PLEKHA5: variants seen among roughly 807,000 people sequenced by gnomAD.
PLEKHA5 encodes the protein pleckstrin homology domain-containing family A member 5.
Under a neutral mutation model 181.9 loss-of-function variants are expected in PLEKHA5, and 55 were observed. The observed-to-expected ratio is 0.30, with a 90% confidence interval of 0.24 to 0.38. The LOEUF (loss-of-function observed/expected upper bound fraction) is 0.38. Ranked by LOEUF, PLEKHA5 falls within the 10% of genes least tolerant of loss-of-function variation. The pLI is 1.00. For synonymous variants in PLEKHA5, 535 were observed against 529.4 expected, an observed-to-expected ratio of 1.01 and a Z score of -0.15; for missense variants, 1,432 against 1,549.5, an observed-to-expected ratio of 0.92 and a Z score of 1.27.
chr12:19,281,002 C>T (rs768970377), intron 11 of PLEKHA5, among the ~76,000 whole-genome samples: 7 of 152,110 alleles, frequency 4.6e-5, no homozygotes, highest in Admixed American at 1.3e-4. Flanking sequence ...CAAGCCACCA[C>T]GCCCAGCCTA....
chr12:19,286,051 A>C (rs2077146271), intron 12 of PLEKHA5, among the ~76,000 whole-genome samples: 1 of 152,268 alleles, frequency 6.6e-6, no homozygotes, highest in African/African-American at 2.4e-5. Flanking sequence ...TTTGTTACTG[A>C]TAACAACGTT....
intron 20 of PLEKHA5, 142 bp from the exon 21 acceptor site, chr12:19,336,373 G>T: frequency 1.9e-6 from 1 of 514,522 alleles, no homozygotes; most frequent in South Asian, 2.7e-5. Flanking sequence ...GTTTTAAAAA[G>T]GGACAAAAAT....
chr12:19,217,344 T>C (rs2058153621), intron 3 of PLEKHA5, among the ~76,000 whole-genome samples: 1 of 152,184 alleles, frequency 6.6e-6, no homozygotes, highest in African/African-American at 2.4e-5. Context: ...AGCAGTAGGT[T>C]ACCCAGAATT....
At chr12:19,337,542 C>G (rs1321442516) in intron 21 of PLEKHA5, among the ~76,000 whole-genome samples, 1 of 118,780 alleles carries the variant, frequency 8.4e-6, no homozygotes, top group South Asian at 2.8e-4. Context: ...GAGCGAGACT[C>G]TATCTCAAAA....
intron 15 of PLEKHA5, among the ~76,000 whole-genome samples, chr12:19,297,750 A>AT (rs1200741176): frequency 7.1e-5 from 8 of 112,574 alleles, no homozygotes; most frequent in South Asian, 7.1e-4. Flanking sequence ...CCAGTAAATT[A>AT]TTATTTTTTT....
intron 11 of PLEKHA5, among the ~76,000 whole-genome samples, chr12:19,277,164 A>G (rs551024907): frequency 6.6e-6 from 1 of 152,282 alleles, no homozygotes; most frequent in East Asian, 1.9e-4. Context: ...GGGGGAAAAA[A>G]ATGAAAGGAT....
At chr12:19,252,633 A>AT (rs1463864903) in intron 3 of PLEKHA5, among the ~76,000 whole-genome samples, 4 of 151,856 alleles carry the variant, frequency 2.6e-5, no homozygotes, top group Non-Finnish European at 5.9e-5. Flanking sequence ...ATTCAAAGCA[A>AT]TTTTTTTCAG....
At chr12:19,141,167 C>G (rs753972478) in intron 3 of PLEKHA5, among the ~76,000 whole-genome samples, 12 of 151,640 alleles carry the variant, frequency 7.9e-5, no homozygotes, top group Non-Finnish European at 1.5e-4. Context: ...TGCTTTCCAC[C>G]CCTCCCCCCC....
rs34375689 is a variant in PLEKHA5, at chr12:19,162,573, T to TAA, written c.227+30136_227+30137dup. 1.7e-3 allele frequency among the ~76,000 whole-genome samples: 242 copies of TAA among 146,490 alleles called. 1 individual carries two copies. The East Asian group carries it at 0.025, about 15-fold the overall frequency. ...AATGAAATCAGAAGTAAGTTAGCTTTAAAAAAAAAAAAAAGAGTTGGGGGC... is the reference window on the plus strand; with the variant it reads ...AATGAAATCAGAAGTAAGTTAGCTTTAAAAAAAAAAAAAAAAGAGTTGGGGGC... On this transcript the variant is annotated intron_variant, in intron 3 of 31. Coordinates refer to ENST00000429027, the MANE Select transcript of PLEKHA5 (RefSeq NM_001256470.2).
intron 3 of PLEKHA5, among the ~76,000 whole-genome samples, chr12:19,229,273 G>A (rs755497484): frequency 9.2e-5 from 14 of 152,276 alleles, no homozygotes; most frequent in Non-Finnish European, 1.0e-4. Context: ...TATTGTGTCC[G>A]GAATTGGTGG....
chr12:19,253,890 G>A (rs749865668), intron 3 of PLEKHA5, 50 bp from the exon 4 acceptor site: 1 of 1,026,478 alleles, frequency 9.7e-7, no homozygotes, highest in Non-Finnish European at 1.5e-6. Context: ...ATAAATAAAT[G>A]GGAATTTTAA....
At chr12:19,189,726 A>C (rs1353230494) in intron 3 of PLEKHA5, among the ~76,000 whole-genome samples, 1 of 152,212 alleles carries the variant, frequency 6.6e-6, no homozygotes, top group Non-Finnish European at 1.5e-5. Context: ...TATTCAGACC[A>C]TTAAACAGAC....
intron 15 of PLEKHA5, chr12:19,306,311 G>T (rs2083515442): frequency 5.2e-6 from 2 of 381,442 alleles, no homozygotes; most frequent in Non-Finnish European, 1.0e-5. Flanking sequence ...TATGAAAATT[G>T]TGGGGTTGGA....
chr12:19,170,528 C>T (rs987699052), intron 3 of PLEKHA5, among the ~76,000 whole-genome samples: 1 of 151,494 alleles, frequency 6.6e-6, no homozygotes, highest in Non-Finnish European at 1.5e-5. Flanking sequence ...TGGGTTTAAG[C>T]AATACTCCTG....
At chr12:19,319,901 A>G (rs12825616) in intron 16 of PLEKHA5, 120 bp from the exon 17 acceptor site, 50,505 of 582,802 alleles carry the variant, frequency 0.087, 2,543 homozygotes, top group Middle Eastern at 0.18. Flanking sequence ...ACTAACACAC[A>G]TAAACTTTTT....
intron 31 of PLEKHA5, chr12:19,372,395 G>GTTTTTTTTTTTTTTT (rs34877323): frequency 7.2e-6 from 1 of 139,218 alleles, no homozygotes; most frequent in African/African-American, 2.6e-5. Flanking sequence ...GGGATTATTT[G>GTTTTTTTTTTTTTTT]TTTTTGTTTT....
Position 19,343,315 on chromosome 12 carries a change from A to T in PLEKHA5, c.2551-8A>T, listed in dbSNP as rs756615056. ...TCTTATATATGGTCTATCCATTTTT[A>T]CTGATAGACGGAATCAGCAGGAATT... On this transcript the variant is annotated splice_polypyrimidine_tract_variant and splice_region_variant and intron_variant, in intron 21 of 31. Coordinates refer to ENST00000429027, the MANE Select transcript of PLEKHA5 (RefSeq NM_001256470.2). 3.2e-6 allele frequency: 5 copies of T among 1,584,530 alleles called. No homozygotes were observed. Among genetic ancestry groups the T allele is most frequent in the Non-Finnish European group, 4.3e-6 (5 of 1,153,838 alleles).
chr12:19,180,158 G>T (rs2048226424), intron 3 of PLEKHA5, among the ~76,000 whole-genome samples: 1 of 152,156 alleles, frequency 6.6e-6, no homozygotes, highest in Non-Finnish European at 1.5e-5. Context: ...AATGCCAGCG[G>T]TAGTAAGCAA....
intron 3 of PLEKHA5, among the ~76,000 whole-genome samples, chr12:19,169,235 G>C (rs1460613063): frequency 6.6e-6 from 1 of 151,052 alleles, no homozygotes; most frequent in East Asian, 1.9e-4. Context: ...GTAAAGGTCT[G>C]TTAATTGCTA....
Sources: allele counts gnomAD v4.1 joint callset (sites outside exome capture counted in the v4.1 genomes callset), GRCh38; gene constraint gnomAD v4.1.1; transcripts MANE v1.5; gene names NCBI Gene and HGNC (gene_info 2026-07-23, HGNC 2026-07-21).